FSTL4: variants seen among roughly 807,000 people sequenced by gnomAD.
The protein encoded by FSTL4 is follistatin-related protein 4.
In FSTL4, 28 loss-of-function variants were observed where a neutral mutation model predicts 78.2. The observed-to-expected ratio is 0.36, with a 90% CI of 0.27 to 0.49. The LOEUF is 0.49. Ranked by LOEUF, FSTL4 falls within the 20% of genes least tolerant of loss-of-function variation. The pLI is 0.98. For missense variants in FSTL4, 922 were observed against 1,084.9 expected (o/e 0.85, Z 2.11); for synonymous variants, 422 against 440.5 (o/e 0.96, Z 0.53).
chr5:133,803,544 G>C, the FSTL4 span, among the ~76,000 whole-genome samples: 5 of 152,052 alleles, frequency 3.3e-5, no homozygotes, highest in Non-Finnish European at 5.9e-5. Context: ...GTCCCAGACC[G>C]TCTCTCCTCC....
chr5:133,685,433 C>T, the FSTL4 span, among the ~76,000 whole-genome samples: 3 of 152,194 alleles, frequency 2.0e-5, no homozygotes, highest in African/African-American at 7.2e-5. Flanking sequence ...ATAGCAGTGA[C>T]CATCAAGAGC....
At chr5:133,615,440 A>C (rs1392126832), upstream of FSTL4, among the ~76,000 whole-genome samples, 12 of 152,390 alleles carry the variant, frequency 7.9e-5, no homozygotes, top group South Asian at 1.0e-3. Context: ...TCTAGGGCTC[A>C]GTGAGCCTGG....
chr5:133,209,998 C>T, intron 14 of FSTL4, 193 bp downstream of exon 14: 2 of 497,228 alleles, frequency 4.0e-6, no homozygotes, highest in South Asian at 3.2e-5. Context: ...TATTCATCAT[C>T]ATTATTGCTG....
intron 3 of FSTL4, among the ~76,000 whole-genome samples, chr5:133,444,809 C>A (rs78835175): frequency 8.5e-5 from 13 of 152,304 alleles, no homozygotes; most frequent in African/African-American, 7.2e-5. Context: ...TGAGCAGACA[C>A]GAGGGCTCAA....
chr5:133,742,093 C>T, the FSTL4 span, among the ~76,000 whole-genome samples: 99 of 152,356 alleles, frequency 6.5e-4, no homozygotes, highest in African/African-American at 6.7e-4. Flanking sequence ...GTCACTACAT[C>T]AGTGCCATGG....
chr5:133,740,072 A>C, the FSTL4 span, among the ~76,000 whole-genome samples: 2 of 152,226 alleles, frequency 1.3e-5, no homozygotes, highest in South Asian at 4.2e-4. Flanking sequence ...TTGTAGAGAC[A>C]GGGTTTTGCC....
chr5:133,775,310 A>C, the FSTL4 span, among the ~76,000 whole-genome samples: 7 of 152,344 alleles, frequency 4.6e-5, no homozygotes, highest in Non-Finnish European at 7.3e-5. Context: ...GAATTCTGCC[A>C]ATAATTGTTC....
At chr5:133,757,389 A>G in the FSTL4 span, among the ~76,000 whole-genome samples, 2 of 152,194 alleles carry the variant, frequency 1.3e-5, no homozygotes, top group Non-Finnish European at 2.9e-5. Context: ...CTCAGTTTGA[A>G]CCAGCTGTAT....
Position 133,427,390 on chromosome 5 carries a change from T to C in FSTL4, c.161-26404A>G, listed in dbSNP as rs1469706586. On this transcript the variant is annotated intron_variant, in intron 3 of 15. Transcript: ENST00000265342. ...ATGTAGCCCCTTTTGGCAGTAGAGATATAAGAGTCCACTTCCGAGGCTTGC... is the reference window on the plus strand; with the variant it reads ...ATGTAGCCCCTTTTGGCAGTAGAGACATAAGAGTCCACTTCCGAGGCTTGC... Among the ~76,000 whole-genome samples the C allele has an allele frequency of 2.0e-5, 3 of 152,134 alleles. No homozygotes were observed. The East Asian group carries it at 5.8e-4, about 29-fold the overall frequency.
chr5:133,481,539 CAAAAAAAAA>C (rs34556142), intron 3 of FSTL4, among the ~76,000 whole-genome samples: 4 of 65,564 alleles, frequency 6.1e-5, no homozygotes, highest in African/African-American at 2.1e-4. Context: ...GAGACTGTCT[CAAAAAAAAA>C]AAAAAAAAAA....
intron 3 of FSTL4, among the ~76,000 whole-genome samples, chr5:133,540,730 A>G (rs1759450460): frequency 6.6e-6 from 1 of 151,584 alleles, no homozygotes; most frequent in African/African-American, 2.4e-5. Context: ...CAAAAAAAAA[A>G]AAAAAAAAAG....
At chr5:133,827,608 T>C in the FSTL4 span, among the ~76,000 whole-genome samples, 1 of 152,132 alleles carries the variant, frequency 6.6e-6, no homozygotes, top group African/African-American at 2.4e-5. Flanking sequence ...GAAGAGTTTT[T>C]CTTAAGACCA....
At chr5:133,252,628 G>A (rs1016293962) in intron 6 of FSTL4, among the ~76,000 whole-genome samples, 1 of 71,932 alleles carries the variant, frequency 1.4e-5, no homozygotes, top group Non-Finnish European at 2.3e-5. Context: ...GGGAGACGAG[G>A]CAGGTCTGGT....
At chr5:133,422,407 G>A (rs561177599) in intron 3 of FSTL4, among the ~76,000 whole-genome samples, 12 of 152,306 alleles carry the variant, frequency 7.9e-5, no homozygotes, top group African/African-American at 2.9e-4. Flanking sequence ...GGGCACTGAG[G>A]AAGAGCGGAG....
chr5:133,250,784 T>C (rs1752205344), intron 6 of FSTL4, among the ~76,000 whole-genome samples: 1 of 152,258 alleles, frequency 6.6e-6, no homozygotes, highest in South Asian at 2.1e-4. Flanking sequence ...GGTCAGACCC[T>C]GAGCAGCAAA....
At chr5:133,761,612 C>A in the FSTL4 span, among the ~76,000 whole-genome samples, 134 of 152,290 alleles carry the variant, frequency 8.8e-4, 3 homozygotes, top group East Asian at 0.019. Flanking sequence ...GGTTTGTGTA[C>A]CTTCTCTTCC....
chr5:133,593,389 A>G (rs541825644), intron 2 of FSTL4, among the ~76,000 whole-genome samples: 1 of 152,208 alleles, frequency 6.6e-6, no homozygotes, highest in Non-Finnish European at 1.5e-5. Context: ...GCTCTGGTGG[A>G]TAAGTTTTGG....
the FSTL4 span, among the ~76,000 whole-genome samples, chr5:133,835,545 A>G: frequency 2.0e-5 from 3 of 152,220 alleles, no homozygotes; most frequent in African/African-American, 7.2e-5. Context: ...CTTGATCTGT[A>G]TCATATGAAC....
chr5:133,358,527 C>T (rs1754990915), intron 4 of FSTL4, among the ~76,000 whole-genome samples: 2 of 152,092 alleles, frequency 1.3e-5, no homozygotes. Context: ...GGCCCTGAAG[C>T]CCGTGCTGCT....
Sources: allele counts gnomAD v4.1 joint callset (sites outside exome capture counted in the v4.1 genomes callset), GRCh38; gene constraint gnomAD v4.1.1; transcripts MANE v1.5; gene names NCBI Gene and HGNC (gene_info 2026-07-23, HGNC 2026-07-21).